AKT3: variants seen among roughly 807,000 people sequenced by gnomAD.
AKT3 encodes AKT serine/threonine kinase 3, also known as RAC-gamma serine/threonine-protein kinase.
Under a neutral mutation model 65.3 loss-of-function variants are expected in AKT3, and 15 were observed. The observed-to-expected ratio is 0.23, with a 90% CI of 0.15 to 0.35. The LOEUF is 0.35. AKT3 is among the 10% of genes least tolerant of loss of function. The pLI, the probability that AKT3 is intolerant of heterozygous loss-of-function variation, is 1.00. For synonymous variants in AKT3, 206 were observed against 183.8 expected, an observed-to-expected ratio of 1.12 and a Z score of -0.98; for missense variants, 243 against 576.5, an observed-to-expected ratio of 0.42 and a Z score of 5.92.
chr1:243,671,080 T>C (rs1374042668), intron 3 of AKT3, among the ~76,000 whole-genome samples: 1 of 134,058 alleles, frequency 7.5e-6, no homozygotes, highest in Non-Finnish European at 1.5e-5. Context: ...ATAGATTCCT[T>C]TTTTTTTTTT....
At chr1:243,526,776 G>T (rs1405250853) in intron 12 of AKT3, among the ~76,000 whole-genome samples, 1 of 1,372 alleles carries the variant, frequency 7.3e-4, no homozygotes, top group Non-Finnish European at 1.5e-3. Flanking sequence ...TACAAAAAAT[G>T]GTTAAAAAAA....
chr1:243,542,373 T>C (rs1672378942), intron 12 of AKT3, among the ~76,000 whole-genome samples: 1 of 152,198 alleles, frequency 6.6e-6, no homozygotes, highest in Non-Finnish European at 1.5e-5. Flanking sequence ...GATACTGTGC[T>C]CTTTAGAGTG....
intron 1 of AKT3, among the ~76,000 whole-genome samples, chr1:243,849,336 CACT>C (rs910957545): frequency 6.6e-6 from 1 of 152,198 alleles, no homozygotes; most frequent in African/African-American, 2.4e-5. Context: ...ATCAAAACCC[CACT>C]ACTATTAAAA....
At chr1:243,847,605 A>G (rs1053550150) in intron 1 of AKT3, among the ~76,000 whole-genome samples, 6 of 152,188 alleles carry the variant, frequency 3.9e-5, no homozygotes, top group Admixed American at 3.9e-4. Flanking sequence ...AGCTTAAAAA[A>G]TAAGTCCTTA....
At position 243,526,919 on chromosome 1, in the gene AKT3, A is replaced by C. The variant is rs139146421; in HGVS notation, c.1252-14493T>G. 8.3e-3 allele frequency among the ~76,000 whole-genome samples: 1,262 copies of C among 152,176 alleles called. 12 individuals are homozygous for C. Among genetic ancestry groups the C allele is most frequent in the Middle Eastern group, 0.014 (4 of 294 alleles). ...AATTAGACAGCGGTGATGGTTGCATAAGTCTGTCAAGACCCTAAAAACCAT... is the reference window on the plus strand; with the variant it reads ...AATTAGACAGCGGTGATGGTTGCATCAGTCTGTCAAGACCCTAAAAACCAT... On this transcript the variant is annotated intron_variant, in intron 12 of 13. Coordinates refer to ENST00000673466, the MANE Select transcript of AKT3 (RefSeq NM_005465.7).
At chr1:243,627,562 T>C (rs1297921891) in intron 6 of AKT3, among the ~76,000 whole-genome samples, 1 of 152,204 alleles carries the variant, frequency 6.6e-6, no homozygotes, top group East Asian at 1.9e-4. Context: ...ACTACACTGA[T>C]GACATTATGA....
chr1:243,529,270 A>G (rs908667172), intron 12 of AKT3, among the ~76,000 whole-genome samples: 7 of 150,758 alleles, frequency 4.6e-5, no homozygotes, highest in Non-Finnish European at 8.8e-5. Context: ...TACTCTGCTG[A>G]TAGTCTCTTT....
At chr1:243,775,060 G>A (rs112869624) in intron 2 of AKT3, among the ~76,000 whole-genome samples, 4 of 151,418 alleles carry the variant, frequency 2.6e-5, no homozygotes, top group Non-Finnish European at 5.9e-5. Flanking sequence ...ACGAGGTTTC[G>A]TCATGTTCCC....
intron 2 of AKT3, among the ~76,000 whole-genome samples, chr1:243,817,202 AC>A (rs1232203269): frequency 1.3e-5 from 2 of 152,166 alleles, no homozygotes; most frequent in Non-Finnish European, 2.9e-5. Context: ...TTCTAAGTGC[AC>A]CCATAGGAAT....
At chr1:243,663,369 A>G (rs1368863576) in intron 4 of AKT3, among the ~76,000 whole-genome samples, 1 of 152,056 alleles carries the variant, frequency 6.6e-6, no homozygotes, top group Non-Finnish European at 1.5e-5. Context: ...TTATGGGTGG[A>G]CATATCAACA....
chr1:243,839,533 T>G lies in AKT3; in HGVS notation c.46+3592A>C, dbSNP rs113990935. On this transcript the variant is annotated intron_variant, in intron 2 of 13. Coordinates refer to ENST00000673466, the MANE Select transcript of AKT3 (RefSeq NM_005465.7). ...ATACTATGGTAATGTGTTATCTCAATTAATACTTATCATTTTCAACTGTCC... is the reference window on the plus strand; with the variant it reads ...ATACTATGGTAATGTGTTATCTCAAGTAATACTTATCATTTTCAACTGTCC... 6.6e-5 allele frequency among the ~76,000 whole-genome samples: 10 copies of G among 152,324 alleles called. 1 individual carries two copies. Among genetic ancestry groups the G allele is most frequent in the African/African-American group, 2.2e-4 (9 of 41,588 alleles).
chr1:243,635,135 G>C (rs907108870), intron 6 of AKT3, among the ~76,000 whole-genome samples: 14 of 151,842 alleles, frequency 9.2e-5, no homozygotes, highest in Admixed American at 6.6e-4. Context: ...ACTACAACAT[G>C]AAGTTAGAAT....
chr1:243,606,455 G>C (rs1677426905), intron 8 of AKT3, among the ~76,000 whole-genome samples: 2 of 152,218 alleles, frequency 1.3e-5, no homozygotes, highest in Non-Finnish European at 1.5e-5. Context: ...CTTTACCAAA[G>C]AGAATGGTGG....
At chr1:243,630,317 A>G (rs1427299589) in intron 6 of AKT3, among the ~76,000 whole-genome samples, 1 of 152,198 alleles carries the variant, frequency 6.6e-6, no homozygotes, top group East Asian at 1.9e-4. Context: ...TATAACCCAA[A>G]TCAGGAATGG....
At chr1:243,811,297 CCTT>C (rs1693134392) in intron 2 of AKT3, among the ~76,000 whole-genome samples, 1 of 152,172 alleles carries the variant, frequency 6.6e-6, no homozygotes, top group African/African-American at 2.4e-5. Flanking sequence ...CCCAAAACCT[CCTT>C]AAGCTGATAA....
At chr1:243,769,293 C>T (rs756839349) in intron 2 of AKT3, among the ~76,000 whole-genome samples, 1 of 152,172 alleles carries the variant, frequency 6.6e-6, no homozygotes, top group Non-Finnish European at 1.5e-5. Flanking sequence ...AAGTTTTGTA[C>T]AACCATATGA....
At chr1:243,729,477 G>GA (rs367943152) in intron 2 of AKT3, among the ~76,000 whole-genome samples, 4 of 151,808 alleles carry the variant, frequency 2.6e-5, no homozygotes, top group Admixed American at 1.3e-4. Context: ...GCCTTTCCAG[G>GA]AAAAAAATCA....
rs200351668 is a variant in AKT3, at chr1:243,765,040, T to C, written c.47-69324A>G. On this transcript the variant is annotated intron_variant, in intron 2 of 13. Transcript: ENST00000673466. ...TACTTTTGGTGCATATTTATTGATGTTAAAAAATAATCCAAAACCACTTAT... is the reference window on the plus strand; with the variant it reads ...TACTTTTGGTGCATATTTATTGATGCTAAAAAATAATCCAAAACCACTTAT... Among the ~76,000 whole-genome samples the C allele has an allele frequency of 7.2e-5, 11 of 152,256 alleles. No individual in the cohort carries two copies. The East Asian group carries it at 2.1e-3, about 29-fold the overall frequency.
intron 2 of AKT3, among the ~76,000 whole-genome samples, chr1:243,783,764 T>TA (rs1691065211): frequency 6.6e-6 from 1 of 152,130 alleles, no homozygotes; most frequent in Non-Finnish European, 1.5e-5. Context: ...AATAATAACT[T>TA]AGTCAACATT....
Sources: allele counts gnomAD v4.1 joint callset (sites outside exome capture counted in the v4.1 genomes callset), GRCh38; gene constraint gnomAD v4.1.1; transcripts MANE v1.5; gene names NCBI Gene and HGNC (gene_info 2026-07-23, HGNC 2026-07-21).